Variants in NUAK1 observed in about 807,000 individuals in gnomAD.
NUAK1 encodes NUAK family SNF1-like kinase 1.
NUAK1 carries 26 observed loss-of-function variants against 56.9 expected under a neutral mutation model. That is an observed-to-expected ratio of 0.46 (90% confidence interval 0.33 to 0.63). NUAK1 has a LOEUF of 0.63. NUAK1 is among the 30% of genes least tolerant of loss of function. The pLI is 0.02. For synonymous variants in NUAK1, 337 were observed against 336.0 expected (o/e 1.00, Z -0.03); for missense variants, 727 against 876.1 (o/e 0.83, Z 2.15).
intron 2 of NUAK1, chr12:106,104,067 C>CTTT (rs67587816): frequency 7.0e-5 from 10 of 143,534 alleles, no homozygotes; most frequent in African/African-American, 1.5e-4. Flanking sequence ...TGTATTGCTT[C>CTTT]TTTTTTTTTT....
chr12:106,092,991 G>A (rs1356252497), intron 2 of NUAK1, among the ~76,000 whole-genome samples: 5 of 152,190 alleles, frequency 3.3e-5, no homozygotes, highest in Non-Finnish European at 7.3e-5. Context: ...ACATGTTAAA[G>A]GGAATACAAA....
chr12:106,117,833 C>T (rs2032933441), intron 1 of NUAK1, among the ~76,000 whole-genome samples: 1 of 152,178 alleles, frequency 6.6e-6, no homozygotes, highest in Non-Finnish European at 1.5e-5. Flanking sequence ...CATTCATTGT[C>T]AATGCCCCAG....
At chr12:106,130,765 T>G (rs2033070486) in intron 1 of NUAK1, among the ~76,000 whole-genome samples, 1 of 152,226 alleles carries the variant, frequency 6.6e-6, no homozygotes, top group African/African-American at 2.4e-5. Flanking sequence ...GGAGGCCTTT[T>G]TTTAATTTGC....
intron 1 of NUAK1, among the ~76,000 whole-genome samples, chr12:106,126,420 C>T (rs928195379): frequency 6.6e-5 from 10 of 152,304 alleles, no homozygotes; most frequent in Middle Eastern, 3.4e-3. Flanking sequence ...CTCATAATTT[C>T]GAGCTCAGAC....
At chr12:106,070,632 C>G in intron 6 of NUAK1, 142 bp downstream of exon 6, 7 of 1,141,612 alleles carry the variant, frequency 6.1e-6, no homozygotes, top group Non-Finnish European at 8.7e-6. Context: ...CCAGTTTTGC[C>G]AAGGATGACA....
Position 106,067,867 on chromosome 12 carries a change from G to A in NUAK1, c.921C>T (p.Asn307=), listed in dbSNP as rs55850452. Residue 307 remains asparagine, a synonymous_variant, in exon 7 of 7, where the codon AAC becomes AAT. Transcript: ENST00000261402. This position sits in a 1 kb window ranked among gnomAD's most constrained non-coding sequence, Gnocchi z 6.0. ...CACACACGCTGCTCTTATAGCCCCA[G>A]TTCACCCACCAGTGGTTGGCAATGT... ...IEDIANHWWV[N]WGYKSSVCDC... 367 of 1,614,204 alleles carry A rather than the reference G, an allele frequency of 2.3e-4. No individual in the cohort carries two copies. Among genetic ancestry groups the A allele is most frequent in the Non-Finnish European group, 2.9e-4 (345 of 1,180,036 alleles).
chr12:106,122,088 C>T (rs561127736), intron 1 of NUAK1, among the ~76,000 whole-genome samples: 66 of 152,270 alleles, frequency 4.3e-4, no homozygotes, highest in Non-Finnish European at 8.1e-4. Context: ...CTACACAGGG[C>T]TGGTGCACAG....
intron 2 of NUAK1, 22 bp downstream of exon 2, chr12:106,106,383 A>G (rs397833289): frequency 2.1e-5 from 4 of 187,432 alleles, no homozygotes; most frequent in Non-Finnish European, 1.8e-5. Context: ...TATGGGGGTT[A>G]AAAAAAAAAA....
Position 106,128,676 on chromosome 12 carries a change from C to T in NUAK1, c.240+9738G>A, listed in dbSNP as rs1223418080. 2.0e-5 allele frequency among the ~76,000 whole-genome samples: 3 copies of T among 152,292 alleles called. No homozygotes were observed. In the East Asian group the frequency reaches 5.8e-4, roughly 29 times the overall value. On this transcript the variant is annotated intron_variant, in intron 1 of 6. Coordinates refer to ENST00000261402, the MANE Select transcript of NUAK1 (RefSeq NM_014840.3). Reference sequence around the variant, plus strand: ...TGGAGATAACTAAGAGAAGCAGCTGCTACCTTTTTTAAACAGGGAAATTGC... The same window carrying T: ...TGGAGATAACTAAGAGAAGCAGCTGTTACCTTTTTTAAACAGGGAAATTGC...
At chr12:106,127,871 G>A (rs757625406) in intron 1 of NUAK1, among the ~76,000 whole-genome samples, 9 of 151,946 alleles carry the variant, frequency 5.9e-5, no homozygotes, top group Non-Finnish European at 1.0e-4. Flanking sequence ...GCAATGCCCC[G>A]TGCCCAGGCT....
intron 2 of NUAK1, among the ~76,000 whole-genome samples, chr12:106,098,968 T>C (rs537537560): frequency 1.6e-4 from 24 of 152,356 alleles, no homozygotes; most frequent in Admixed American, 3.9e-4. Context: ...ATGGAATTCC[T>C]TTGACTGGAA....
At chr12:106,082,948 C>T (rs1191221635) in intron 4 of NUAK1, among the ~76,000 whole-genome samples, 1 of 152,142 alleles carries the variant, frequency 6.6e-6, no homozygotes, top group Non-Finnish European at 1.5e-5. Context: ...GCCGGGAGTA[C>T]TAAGGCCGTT....
chr12:106,111,108 C>T (rs917843210), intron 1 of NUAK1, among the ~76,000 whole-genome samples: 4 of 151,984 alleles, frequency 2.6e-5, no homozygotes, highest in African/African-American at 7.3e-5. Context: ...TCCCAGGTCT[C>T]GGTTTCCTCA....
intron 3 of NUAK1, 30 bp downstream of exon 3, chr12:106,086,704 G>A: frequency 1.3e-6 from 2 of 1,585,274 alleles, no homozygotes; most frequent in Non-Finnish European, 1.7e-6. Flanking sequence ...ACCATCTACG[G>A]CCAAAGCTGC....
In NUAK1 at chr12:106,138,801, C is replaced by A; in HGVS notation, c.-148G>T. 1.8e-6 allele frequency: 2 copies of A among 1,109,546 alleles called. No individual in the cohort carries two copies. The highest frequency in any genetic ancestry group is 1.7e-5 in the African/African-American group (1 of 60,316). 68.7% of individuals were successfully genotyped at this position (1,109,546 alleles called of 1,614,324 possible). A position where few individuals can be genotyped will look rare whatever the true frequency, so the allele number is the denominator to read the frequency against. ...GCCCGATACCGCTCGGACTGCGGCT[C>A]GGTCACTGGCGGCGGCGGGGACTGC... is the stretch of plus-strand genomic sequence containing the variant. On this transcript the variant is annotated 5_prime_UTR_variant, in exon 1 of 7. Coordinates refer to ENST00000261402, the MANE Select transcript of NUAK1 (RefSeq NM_014840.3). This position sits in a 1 kb window ranked among gnomAD's most constrained non-coding sequence, Gnocchi z 5.0.
At position 106,138,138 on chromosome 12, in the gene NUAK1, A is replaced by G. The variant is rs1179152057; in HGVS notation, c.240+276T>C. Among the ~76,000 whole-genome samples, 1 of 152,234 alleles carries G rather than the reference A, an allele frequency of 6.6e-6. No homozygotes were observed. Among genetic ancestry groups the G allele is most frequent in the Non-Finnish European group, 1.5e-5 (1 of 68,042 alleles). On this transcript the variant is annotated intron_variant, in intron 1 of 6. Coordinates refer to ENST00000261402, the MANE Select transcript of NUAK1 (RefSeq NM_014840.3). This position sits in a 1 kb window ranked among gnomAD's most constrained non-coding sequence, Gnocchi z 5.0. ...AACGCTGCAAAGTGTTTGCAAATCT[A>G]AAACATTCCTTTGCTGCTAGGATTA...
chr12:106,128,652 G>A (rs1175856034), intron 1 of NUAK1, among the ~76,000 whole-genome samples: 1 of 152,194 alleles, frequency 6.6e-6, no homozygotes, highest in African/African-American at 2.4e-5. Context: ...GGGTCCCGCT[G>A]GAGATAACTA....
intron 2 of NUAK1, among the ~76,000 whole-genome samples, chr12:106,104,881 C>T (rs1394108746): frequency 6.6e-6 from 1 of 152,048 alleles, no homozygotes; most frequent in African/African-American, 2.4e-5. Context: ...TTAGGGACAC[C>T]ACTGGTTGGT....
At chr12:106,083,826 C>CAGGCCCTGCAT (rs779046959) in intron 4 of NUAK1, 38 bp downstream of exon 4, 2 of 1,575,766 alleles carry the variant, frequency 1.3e-6, no homozygotes, top group Non-Finnish European at 1.7e-6. Context: ...CTGCAAGACC[C>CAGGCCCTGCAT]AGGCCCTGCA....
Sources: allele counts gnomAD v4.1 joint callset (sites outside exome capture counted in the v4.1 genomes callset), GRCh38; gene constraint gnomAD v4.1.1; non-coding constraint Gnocchi (gnomAD v3.1); transcripts MANE v1.5; gene names NCBI Gene and HGNC (gene_info 2026-07-23, HGNC 2026-07-21).